DDX54: variants seen among roughly 807,000 people sequenced by gnomAD.
DDX54 encodes the protein ATP-dependent RNA helicase DDX54.
In DDX54, 67 loss-of-function variants were observed where a neutral mutation model predicts 105.5. That is an observed-to-expected ratio of 0.64 (90% CI 0.52 to 0.78). The LOEUF (loss-of-function observed/expected upper bound fraction) is 0.78. Among genes scored for constraint, DDX54 ranks in the 30% least tolerant of loss-of-function variants. DDX54 has a pLI of 0.00. For synonymous variants in DDX54, 514 were observed against 509.9 expected, an observed-to-expected ratio of 1.01 and a Z score of -0.11; for missense variants, 1,206 against 1,230.5, an observed-to-expected ratio of 0.98 and a Z score of 0.30.
chr12:113,183,701 A>C (rs373877873), intron 1 of DDX54: 5 of 152,160 alleles, frequency 3.3e-5, no homozygotes, highest in Admixed American at 3.3e-4. Context: ...TCAAGTTTGA[A>C]TCTCCTGGCT....
chr12:113,161,247 A>T (rs762228384), intron 19 of DDX54, 23 bp downstream of exon 19: 1 of 1,594,388 alleles, frequency 6.3e-7, no homozygotes, highest in Non-Finnish European at 8.6e-7. Context: ...CTGTGCACCC[A>T]CACTCCCCAC....
At chr12:113,173,025 A>G (rs1196660961) in intron 10 of DDX54, among the ~76,000 whole-genome samples, 1 of 152,174 alleles carries the variant, frequency 6.6e-6, no homozygotes, top group African/African-American at 2.4e-5. Context: ...AACACTCATG[A>G]GAGTGCTAGC....
At chr12:113,177,142 T>C in intron 5 of DDX54, 49 bp from the exon 6 acceptor site, 1 of 1,599,850 alleles carries the variant, frequency 6.3e-7, no homozygotes, top group East Asian at 2.2e-5. Context: ...CTCTTTGGTT[T>C]CCCTTCCCAT....
Position 113,162,009 on chromosome 12 carries a change from G to T in DDX54, c.2196-12C>A. ...TCTTCTTACGGTCCCTGCAGGAGAG[G>T]GAGTTGGGACGGCTGCCGTGGAGGG... On this transcript the variant is annotated splice_polypyrimidine_tract_variant and intron_variant, in intron 17 of 19. Transcript: ENST00000306014. 1 of 1,612,028 alleles carries T rather than the reference G, an allele frequency of 6.2e-7. No individual in the cohort carries two copies.
chr12:113,172,473 CA>C lies in DDX54; in HGVS notation c.1158del (p.Gly387AlafsTer8), dbSNP rs1190022955. The C allele has an allele frequency of 1.9e-6, 3 of 1,614,238 alleles. No homozygotes were observed. In the South Asian group the frequency reaches 3.3e-5, roughly 18 times the overall value. On this transcript the variant is annotated frameshift_variant, in exon 11 of 20. Coordinates refer to ENST00000306014, the MANE Select transcript of DDX54 (RefSeq NM_024072.4). LOFTEE classifies it high-confidence loss of function. ...ARKINLAKFT[L>X]GKCSTLIVTD... The stretch of plus-strand genomic sequence containing the variant: ...GTCACAATGAGAGTGGAGCACTTGC[CA>C]AGCGTGAATTTGGCGAGATTGATCT...
At position 113,185,346 on chromosome 12, in the gene DDX54, C is replaced by T. The variant is rs772603808; in HGVS notation, c.106G>A (p.Ala36Thr). ...CCGTCCTCCGAGTCGCTGCCGCGGGCCTGGGAGGCCGCGCCTCGGCGCTTC... is the reference window on the plus strand; with the variant it reads ...CCGTCCTCCGAGTCGCTGCCGCGGGTCTGGGAGGCCGCGCCTCGGCGCTTC... The part of the protein sequence containing the change: ...LRKRRGAASQ[A>T]RGSDSEDGEF... Residue 36 changes from alanine to threonine, a missense_variant, in exon 1 of 20, where the codon GCC becomes ACC. By Grantham distance (58) the Ala-to-Thr change is moderately conservative. Transcript: ENST00000306014. 5.2e-5 allele frequency: 82 copies of T among 1,588,128 alleles called. No individual in the cohort carries two copies. Among genetic ancestry groups the T allele is most frequent in the Non-Finnish European group, 5.8e-5 (68 of 1,170,448 alleles).
At chr12:113,171,907 C>G (rs971585426) in intron 11 of DDX54, among the ~76,000 whole-genome samples, 5 of 152,288 alleles carry the variant, frequency 3.3e-5, no homozygotes, top group African/African-American at 7.2e-5. Flanking sequence ...ACCTAACCCA[C>G]TAAACATCGC....
In DDX54 at chr12:113,174,887, G is replaced by T; in HGVS notation, c.924C>A (p.Asn308Lys). ...GGTGCAGCCTCACCTTCAGCTGCTC[G>T]TTGAGCTTGGTATCCACGTCAAGCC... is the stretch of plus-strand genomic sequence containing the variant. ...LIRLDVDTKL[N>K]EQLKTSFFLV... The change falls in exon 9 of 20, where the codon AAC (asparagine) becomes AAA (lysine). Residue 308 changes from asparagine to lysine, a missense_variant. Physicochemically the swap from Asn to Lys is moderately conservative, Grantham distance 94. Transcript: ENST00000306014. The T allele has an allele frequency of 6.2e-7, 1 of 1,613,942 alleles. No individual in the cohort carries two copies. The highest frequency in any genetic ancestry group is 1.1e-5 in the South Asian group (1 of 91,064).
intron 19 of DDX54, among the ~76,000 whole-genome samples, chr12:113,159,605 TCTGTCTCCATGGACACCATGCTCTAGG>T (rs1297491017): frequency 6.6e-6 from 1 of 152,120 alleles, no homozygotes. Flanking sequence ...GACCTCAGCC[TCTGTCTCCATGGACACCATGCTCTAGG>T]CTTGTTAGAT....
intron 3 of DDX54, 85 bp downstream of exon 3, chr12:113,179,850 G>C (rs1487370827): frequency 6.8e-7 from 1 of 1,477,230 alleles, no homozygotes; most frequent in Non-Finnish European, 9.4e-7. Flanking sequence ...TGACAGGTGG[G>C]ACAAGGGGTG....
In DDX54 at chr12:113,163,078, T is replaced by C; in HGVS notation, c.2082-33A>G. 1 of 1,609,434 alleles carries C rather than the reference T, an allele frequency of 6.2e-7. No individual in the cohort carries two copies. The highest frequency in any genetic ancestry group is 8.5e-7 in the Non-Finnish European group (1 of 1,178,806). On this transcript the variant is annotated intron_variant, in intron 16 of 19. Transcript: ENST00000306014. This position sits in a 1 kb window ranked among gnomAD's most constrained non-coding sequence, Gnocchi z 5.9. ...GGGAGAGTGGGAGACATAATTGGAT[T>C]GATGGGACCCAGCGGACCCAACTGC...
rs1952382890 is a variant in DDX54 at position 113,174,863 on chromosome 12, G to T, written c.936+12C>A. On this transcript the variant is annotated intron_variant, in intron 9 of 19. Coordinates refer to ENST00000306014, the MANE Select transcript of DDX54 (RefSeq NM_024072.4). Reference sequence around the variant, plus strand: ...GACACAACCTCCTGGGATGGGACAGGTGCAGCCTCACCTTCAGCTGCTCGT... The same window carrying T: ...GACACAACCTCCTGGGATGGGACAGTTGCAGCCTCACCTTCAGCTGCTCGT... 6.2e-6 allele frequency: 10 copies of T among 1,614,012 alleles called. No homozygotes were observed. The South Asian group carries it at 6.6e-5, about 11-fold the overall frequency.
At chr12:113,161,129 C>G (rs1172292975) in intron 19 of DDX54, 141 bp downstream of exon 19, 44 of 556,452 alleles carry the variant, frequency 7.9e-5, no homozygotes, top group Non-Finnish European at 4.5e-5. Flanking sequence ...ATGGAGGGAC[C>G]CAGGGTTTTG....
intron 12 of DDX54, among the ~76,000 whole-genome samples, chr12:113,169,552 C>G (rs1222075878): frequency 6.6e-6 from 1 of 151,704 alleles, no homozygotes; most frequent in Admixed American, 6.6e-5. Context: ...ACCTGGGAGG[C>G]AGAGGTTGCT....
In DDX54 at chr12:113,179,915, T is replaced by C; in HGVS notation, c.375+20A>G. 1 of 1,613,974 alleles carries C rather than the reference T, an allele frequency of 6.2e-7. No individual in the cohort carries two copies. The highest frequency in any genetic ancestry group is 8.5e-7 in the Non-Finnish European group (1 of 1,179,952). On this transcript the variant is annotated intron_variant, in intron 3 of 19. Coordinates refer to ENST00000306014, the MANE Select transcript of DDX54 (RefSeq NM_024072.4). ...GTCACTCCTCCCTCGCCCTCACCCG[T>C]CGACCGCCCCACCCCTCACCTTCCT...
In DDX54 at chr12:113,174,411, T is replaced by C. The variant is rs963852785; in HGVS notation, c.1068+229A>G. ...CTGAGGCGGGAGAATTGTTTGAGCC[T>C]GGAAGGTCAAGGCTGCAGTGAGCCA... On this transcript the variant is annotated intron_variant, in intron 10 of 19. Transcript: ENST00000306014. 3.3e-5 allele frequency among the ~76,000 whole-genome samples: 5 copies of C among 152,180 alleles called. No homozygotes were observed. In the Middle Eastern group the frequency reaches 0.01, roughly 311 times the overall value.
chr12:113,179,212 G>A lies in DDX54; in HGVS notation c.495C>T (p.Thr165=), dbSNP rs749660726. The A allele has an allele frequency of 9.9e-6, 16 of 1,613,992 alleles. No individual in the cohort carries two copies. The East Asian group carries it at 1.3e-4, about 13-fold the overall frequency. ...FERLKTHSAQ[T]GARALILSPT... The stretch of plus-strand genomic sequence containing the variant: ...GCGAGAGGATGAGGGCGCGGGCCCC[G>A]GTCTGGGCACTGTGGGTCTTGAGCC... The change falls in exon 4 of 20, where the codon ACC becomes ACT. Residue 165 remains threonine (T), a synonymous_variant. Coordinates refer to ENST00000306014, the MANE Select transcript of DDX54 (RefSeq NM_024072.4).
chr12:113,184,366 AGCC>A (rs1566102512), intron 1 of DDX54, among the ~76,000 whole-genome samples: 17 of 152,134 alleles, frequency 1.1e-4, no homozygotes, highest in African/African-American at 3.9e-4. Flanking sequence ...ACAGGCGTGT[AGCC>A]ACTACACCAG....
At chr12:113,180,242 T>A (rs1308151521) in intron 2 of DDX54, among the ~76,000 whole-genome samples, 1 of 152,212 alleles carries the variant, frequency 6.6e-6, no homozygotes, top group African/African-American at 2.4e-5. Flanking sequence ...ACAGCAGGGA[T>A]CTCTGAACAC....
Sources: allele counts gnomAD v4.1 joint callset (sites outside exome capture counted in the v4.1 genomes callset), GRCh38; gene constraint gnomAD v4.1.1; non-coding constraint Gnocchi (gnomAD v3.1); transcripts MANE v1.5; gene names NCBI Gene and HGNC (gene_info 2026-07-23, HGNC 2026-07-21).